Variants in UBE3A observed in about 807,000 individuals in gnomAD.
UBE3A encodes the protein ubiquitin protein ligase E3A.
A neutral mutation model predicts 83.4 loss-of-function variants in UBE3A; 6 were observed. That is an observed-to-expected ratio of 0.07 (90% CI 0.04 to 0.14). The LOEUF is 0.14. Among genes scored for constraint, UBE3A ranks in the 10% least tolerant of loss-of-function variants. UBE3A has a pLI of 1.00. For missense variants in UBE3A, 456 were observed against 1,036.1 expected (o/e 0.44, Z 7.69); for synonymous variants, 337 against 355.4 (o/e 0.95, Z 0.58).
intron 1 of UBE3A, chr15:25,422,044 A>G (rs1889966289): frequency 1.3e-5 from 2 of 152,250 alleles, no homozygotes; most frequent in Non-Finnish European, 2.9e-5. Context: ...AACTGAAAAC[A>G]ATTTAAATGT....
intron 6 of UBE3A, among the ~76,000 whole-genome samples, chr15:25,364,881 T>C (rs1401898978): frequency 2.0e-5 from 3 of 151,960 alleles, no homozygotes; most frequent in South Asian, 4.1e-4. Context: ...CTCCTGACCT[T>C]GTGATCTGCC....
intron 4 of UBE3A, among the ~76,000 whole-genome samples, chr15:25,376,455 T>C (rs2081234719): frequency 6.6e-6 from 1 of 152,088 alleles, no homozygotes; most frequent in Admixed American, 6.6e-5. Flanking sequence ...AACACCAGCC[T>C]GGGCAACATA....
chr15:25,410,952 C>A (rs1168352019), intron 2 of UBE3A, among the ~76,000 whole-genome samples: 1 of 152,130 alleles, frequency 6.6e-6, no homozygotes, highest in Non-Finnish European at 1.5e-5. Flanking sequence ...ACAAGTCTAA[C>A]TTTCCATCTT....
At chr15:25,348,182 A>G (rs1436670095) in intron 11 of UBE3A, among the ~76,000 whole-genome samples, 3 of 152,202 alleles carry the variant, frequency 2.0e-5, no homozygotes, top group African/African-American at 7.2e-5. Context: ...ATAGAGCCTC[A>G]AAATAAATGA....
At chr15:25,362,402 C>T (rs942569637) in intron 6 of UBE3A, among the ~76,000 whole-genome samples, 7 of 152,350 alleles carry the variant, frequency 4.6e-5, no homozygotes, top group Admixed American at 1.3e-4. Context: ...CTAGTCCCAA[C>T]TCTCACTTAC....
intron 4 of UBE3A, among the ~76,000 whole-genome samples, chr15:25,376,496 A>C (rs1481988958): frequency 6.6e-6 from 1 of 152,052 alleles, no homozygotes; most frequent in Non-Finnish European, 1.5e-5. Context: ...CTTTTTTAAA[A>C]AAAATTAGCC....
intron 4 of UBE3A, among the ~76,000 whole-genome samples, chr15:25,405,041 T>C (rs1032093204): frequency 9.2e-5 from 14 of 152,224 alleles, no homozygotes; most frequent in South Asian, 4.1e-4. Flanking sequence ...CTGAAATTAT[T>C]TGCTTCTGCA....
At chr15:25,387,690 G>T (rs1297378497) in intron 4 of UBE3A, among the ~76,000 whole-genome samples, 1 of 152,090 alleles carries the variant, frequency 6.6e-6, no homozygotes, top group Non-Finnish European at 1.5e-5. Flanking sequence ...AAATCAACTA[G>T]TTCTCTGAAA....
chr15:25,415,229 T>A (rs903084342), intron 1 of UBE3A, among the ~76,000 whole-genome samples: 2 of 152,212 alleles, frequency 1.3e-5, no homozygotes, highest in Admixed American at 6.5e-5. Context: ...ACTTTGCCAC[T>A]AGAATTATCT....
intron 4 of UBE3A, among the ~76,000 whole-genome samples, chr15:25,400,256 T>A (rs1490261342): frequency 1.3e-5 from 2 of 152,244 alleles, no homozygotes; most frequent in Non-Finnish European, 2.9e-5. Context: ...TCCCTCGGTA[T>A]CTGCAGGATA....
chr15:25,375,417 C>T, intron 5 of UBE3A, 48 bp downstream of exon 5: 3 of 1,596,420 alleles, frequency 1.9e-6, no homozygotes, highest in Non-Finnish European at 2.6e-6. Flanking sequence ...TTAAATCTCC[C>T]ACATGGTTTT....
intron 11 of UBE3A, among the ~76,000 whole-genome samples, chr15:25,349,955 A>G (rs755290020): frequency 6.6e-6 from 1 of 152,194 alleles, no homozygotes. Flanking sequence ...TACTCAGAAT[A>G]GCATGTAATT....
chr15:25,430,350 A>T (rs1488612242), intron 1 of UBE3A, among the ~76,000 whole-genome samples: 1 of 132,464 alleles, frequency 7.5e-6, no homozygotes, highest in Non-Finnish European at 1.6e-5. Flanking sequence ...TATATATAAG[A>T]TAAATACTAT....
chr15:25,435,568 G>A (rs1446153060), intron 1 of UBE3A, among the ~76,000 whole-genome samples: 2 of 152,058 alleles, frequency 1.3e-5, no homozygotes, highest in Non-Finnish European at 2.9e-5. Flanking sequence ...ATAGAGCCCC[G>A]TCTACTCTTC....
chr15:25,405,962 T>C (rs117043893), intron 3 of UBE3A, among the ~76,000 whole-genome samples: 1,612 of 152,300 alleles, frequency 0.011, 24 homozygotes, highest in Middle Eastern at 0.034. Context: ...AGGCCAGCCA[T>C]GTAGTTTTGT....
Position 25,371,115 on chromosome 15 carries a change from A to G in UBE3A, c.1059T>C (p.Phe353=), listed in dbSNP as rs768524039. 1.2e-6 allele frequency: 2 copies of G among 1,614,150 alleles called. No individual in the cohort carries two copies. Among genetic ancestry groups the G allele is most frequent in the South Asian group, 1.1e-5 (1 of 91,080 alleles). The change falls in exon 6 of 13, where the codon TTT becomes TTC. Residue 353 remains phenylalanine, a synonymous_variant. Transcript: ENST00000648336. The surrounding 1 kb of genome is among the most constrained non-coding windows in gnomAD (Gnocchi z 5.3). ...LITYKVISNE[F]NSRNLVNDDD... is the part of the protein sequence containing the mutation. The stretch of plus-strand genomic sequence containing the variant: ...CATCATTCACTAGATTTCGACTGTT[A>G]AATTCATTGCTTATGACTTTATAAG...
At chr15:25,347,351 G>A (rs2075844874) in intron 11 of UBE3A, 1 of 152,084 alleles carries the variant, frequency 6.6e-6, no homozygotes, top group South Asian at 2.1e-4. Context: ...AGTGAATGGT[G>A]GTAAGTCACA....
At chr15:25,363,345 TTGC>T (rs1376989192) in intron 6 of UBE3A, among the ~76,000 whole-genome samples, 1 of 152,232 alleles carries the variant, frequency 6.6e-6, no homozygotes, top group African/African-American at 2.4e-5. Context: ...CTAGCTGTTG[TTGC>T]TGTTATTTTA....
intron 5 of UBE3A, among the ~76,000 whole-genome samples, chr15:25,373,251 C>T (rs2080608969): frequency 6.6e-6 from 1 of 152,104 alleles, no homozygotes; most frequent in Admixed American, 6.6e-5. Flanking sequence ...TGTAACATAA[C>T]AGAAAATACT....
Sources: gnomAD v4.1 joint callset for allele counts (sites outside exome capture counted in the v4.1 genomes callset) on GRCh38, gnomAD v4.1.1 for gene constraint, Gnocchi (gnomAD v3.1) non-coding constraint, MANE v1.5 for transcripts, NCBI Gene and HGNC (gene_info 2026-07-23, HGNC 2026-07-21) for gene names.